Variants in GLYATL1 observed in about 807,000 individuals in gnomAD.
The protein encoded by GLYATL1 is glycine-N-acyltransferase like 1.
In GLYATL1, 15 loss-of-function variants were observed where a neutral mutation model predicts 20.0. The ratio of observed to expected loss-of-function variants is 0.75; its 90% CI spans 0.50 to 1.15. GLYATL1 has a LOEUF of 1.15. GLYATL1 is among the 50% of genes most tolerant of loss of function. GLYATL1 has a pLI of 0.00. For missense variants in GLYATL1, 380 were observed against 368.5 expected (o/e 1.03, Z -0.26); for synonymous variants, 151 against 131.5 (o/e 1.15, Z -1.01).
intron 1 of GLYATL1, among the ~76,000 whole-genome samples, chr11:58,941,410 T>C (rs938387604): frequency 3.3e-5 from 5 of 152,134 alleles, no homozygotes; most frequent in Non-Finnish European, 5.9e-5. Context: ...ATGGTGTATA[T>C]ATGTGCCACA....
upstream of GLYATL1, among the ~76,000 whole-genome samples, chr11:58,926,310 T>G (rs958926457): frequency 6.6e-6 from 1 of 152,194 alleles, no homozygotes; most frequent in African/African-American, 2.4e-5. Flanking sequence ...AGCAGTGATG[T>G]CATCACCTGA....
intron 1 of GLYATL1, among the ~76,000 whole-genome samples, chr11:58,929,058 T>C (rs746238339): frequency 8.5e-5 from 13 of 152,220 alleles, no homozygotes; most frequent in African/African-American, 1.2e-4. Context: ...TCAAAAAGGT[T>C]TGTGACTATT....
chr11:58,907,679 G>T, exon 2 of GLYATL1: 1 of 193,016 alleles, frequency 5.2e-6, no homozygotes, highest in East Asian at 1.3e-4. Flanking sequence ...AATACTTCCT[G>T]ATTTTTGACT....
chr11:58,946,959 C>T (rs1024863526), intron 2 of GLYATL1, 87 bp from the exon 3 acceptor site: 30 of 919,570 alleles, frequency 3.3e-5, no homozygotes, highest in Middle Eastern at 4.4e-4. Context: ...ACCTACATCA[C>T]GAGTGTTACT....
At chr11:58,934,252 G>T (rs1021524928) in intron 1 of GLYATL1, 7 of 152,522 alleles carry the variant, frequency 4.6e-5, no homozygotes, top group African/African-American at 1.7e-4. Context: ...TTCAGAGATG[G>T]TCCTAGAGAC....
chr11:58,919,297 T>G (rs943319580), intron 1 of GLYATL1, among the ~76,000 whole-genome samples: 5 of 152,200 alleles, frequency 3.3e-5, no homozygotes, highest in African/African-American at 1.2e-4. Flanking sequence ...CCCAGTTTGT[T>G]TGGCGTGGGC....
chr11:58,924,565 T>TG (rs1344376939), upstream of GLYATL1, among the ~76,000 whole-genome samples: 2 of 152,234 alleles, frequency 1.3e-5, no homozygotes, highest in South Asian at 2.1e-4. Context: ...AATCCCAACA[T>TG]TTCCCCGTTT....
In GLYATL1 at chr11:58,948,944, C is replaced by T. The variant is rs113204714; in HGVS notation, c.186+979C>T. Among the ~76,000 whole-genome samples, 1,100 of 152,164 alleles carry T rather than the reference C, an allele frequency of 7.2e-3. 18 individuals carry two copies. The highest frequency in any genetic ancestry group is 0.025 in the African/African-American group (1,043 of 41,504). ...AGGCACTTCTGTGAGTTTCATCATC[C>T]GTTAAAATGGGGAAAATAAGAGGAT... On this transcript the variant is annotated intron_variant, in intron 4 of 6. Transcript: ENST00000532726.
rs546048420 is a variant in GLYATL1, at chr11:58,947,970, G to A, written c.186+5G>A. On this transcript the variant is annotated splice_donor_5th_base_variant and intron_variant, in intron 4 of 6. Transcript: ENST00000532726. ...ATTATCCGGCCTCAAAAGCAGGTAG[G>A]CACACAGACAGGGACTGGTGGAGCC... 1.2e-6 allele frequency: 2 copies of A among 1,603,310 alleles called. No individual in the cohort carries two copies. Among genetic ancestry groups the A allele is most frequent in the South Asian group, 1.1e-5 (1 of 90,874 alleles).
In GLYATL1 at chr11:58,929,011, T is replaced by A. The variant is rs114457840; in HGVS notation, c.-212+1182T>A. ...AGGTAAGAAATGGCTGCCTTCAGCC[T>A]GTTCAATTATTACAAGCTTTATAAC... On this transcript the variant is annotated intron_variant, in intron 1 of 7. Transcript: ENST00000317391. Among the ~76,000 whole-genome samples the A allele has an allele frequency of 6.8e-3, 1,040 of 152,350 alleles. 12 individuals carry two copies. The highest frequency in any genetic ancestry group is 0.024 in the African/African-American group (981 of 41,580).
At chr11:58,909,780 T>G (rs1173473037), downstream of GLYATL1, among the ~76,000 whole-genome samples, 1 of 152,196 alleles carries the variant, frequency 6.6e-6, no homozygotes. Context: ...CTCTCCATAT[T>G]GCTGGTAAAA....
chr11:58,907,131 C>T (rs1226720183), intron 1 of GLYATL1: 3 of 366,542 alleles, frequency 8.2e-6, no homozygotes, highest in Admixed American at 3.2e-5. Context: ...TCTTTCCTGG[C>T]CTTGGAAAGT....
intron 1 of GLYATL1, among the ~76,000 whole-genome samples, chr11:58,917,440 A>G (rs1479915920): frequency 1.3e-5 from 2 of 152,238 alleles, no homozygotes. Flanking sequence ...GCTAGCTTGA[A>G]ATAAGTTTAC....
At chr11:58,913,664 C>T (rs2135099780) in intron 1 of GLYATL1, among the ~76,000 whole-genome samples, 1 of 152,216 alleles carries the variant, frequency 6.6e-6, no homozygotes, top group Non-Finnish European at 1.5e-5. Flanking sequence ...TGTGTGTGTG[C>T]ATGCACATAT....
chr11:58,949,950 C>T (rs1162097293), intron 4 of GLYATL1, among the ~76,000 whole-genome samples: 2 of 151,168 alleles, frequency 1.3e-5, no homozygotes, highest in African/African-American at 4.9e-5. Flanking sequence ...AACCTCTTAC[C>T]TCCCCTCCCC....
At chr11:58,941,677 A>G (rs1309700072) in intron 1 of GLYATL1, among the ~76,000 whole-genome samples, 2 of 152,250 alleles carry the variant, frequency 1.3e-5, no homozygotes, top group African/African-American at 4.8e-5. Flanking sequence ...GTCTAATAAG[A>G]AAACAGAATG....
At chr11:58,936,221 T>C (rs1274675644), upstream of GLYATL1, among the ~76,000 whole-genome samples, 1 of 152,250 alleles carries the variant, frequency 6.6e-6, no homozygotes, top group African/African-American at 2.4e-5. Context: ...CAAATATTTG[T>C]GTAAACTAAT....
intron 1 of GLYATL1, among the ~76,000 whole-genome samples, chr11:58,919,674 C>T (rs1938788): frequency 0.52 from 78,966 of 151,952 alleles, 21,023 homozygotes; most frequent in African/African-American, 0.64. Context: ...AGCCTCCTGC[C>T]TGAAGCAGCT....
At chr11:58,928,876 C>T (rs1443874886) in intron 1 of GLYATL1, among the ~76,000 whole-genome samples, 2 of 152,234 alleles carry the variant, frequency 1.3e-5, no homozygotes, top group South Asian at 2.1e-4. Flanking sequence ...GTCAAACTAC[C>T]CCCAAGAGGG....
Sources: allele counts gnomAD v4.1 joint callset (sites outside exome capture counted in the v4.1 genomes callset), GRCh38; gene constraint gnomAD v4.1.1; transcripts MANE v1.5; gene names NCBI Gene and HGNC (gene_info 2026-07-23, HGNC 2026-07-21).